The following URB2 variants were observed in gnomAD, a reference collection of about 807,000 sequenced individuals.
The protein encoded by URB2 is URB2 ribosome biogenesis homolog.
Under a neutral mutation model 120.9 loss-of-function variants are expected in URB2, and 86 were observed. The observed-to-expected ratio is 0.71, with a 90% CI of 0.60 to 0.85. URB2 has a LOEUF of 0.85. Ranked by LOEUF, URB2 falls within the 40% of genes least tolerant of loss-of-function variation. URB2 has a pLI of 0.00. For missense variants in URB2, 1,765 were observed against 1,836.5 expected (o/e 0.96, Z 0.71); for synonymous variants, 755 against 758.4 (o/e 1.00, Z 0.07).
intron 1 of URB2, among the ~76,000 whole-genome samples, chr1:229,626,714 G>A (rs984320711): frequency 6.6e-6 from 1 of 152,278 alleles, no homozygotes; most frequent in African/African-American, 2.4e-5. Flanking sequence ...CGGAGCCGGG[G>A]AGAGCATCTC....
intron 8 of URB2, among the ~76,000 whole-genome samples, chr1:229,653,076 T>C (rs1666319632): frequency 6.6e-6 from 1 of 152,216 alleles, no homozygotes; most frequent in South Asian, 2.1e-4. Flanking sequence ...GTAAATAGCA[T>C]GTATATGGTG....
At chr1:229,648,549 A>G (rs1289303035) in intron 7 of URB2, among the ~76,000 whole-genome samples, 1 of 151,770 alleles carries the variant, frequency 6.6e-6, no homozygotes, top group African/African-American at 2.4e-5. Flanking sequence ...AAAAAATTAC[A>G]GTTCAGTTAA....
At chr1:229,632,034 T>A (rs1665679384) in intron 2 of URB2, among the ~76,000 whole-genome samples, 1 of 152,216 alleles carries the variant, frequency 6.6e-6, no homozygotes, top group Non-Finnish European at 1.5e-5. Flanking sequence ...AACTTTTAAT[T>A]TGCCCTAGCT....
At position 229,637,278 on chromosome 1, in the gene URB2, G is replaced by A; in HGVS notation, c.2665G>A (p.Glu889Lys). 1.9e-6 allele frequency: 3 copies of A among 1,614,218 alleles called. No homozygotes were observed. Among genetic ancestry groups the A allele is most frequent in the Non-Finnish European group, 2.5e-6 (3 of 1,180,036 alleles). The stretch of plus-strand genomic sequence containing the variant: ...TGACTTCCCTATCCAGCTGGAGGGA[G>A]AGCAGTTGGAAAGCATCCTGGGGCT... Reference protein sequence around the residue: ...KSDFPIQLEGEQLESILGLLE... With the variant: ...KSDFPIQLEGKQLESILGLLE... The change falls in exon 4 of 10, where the codon GAG becomes AAG. Residue 889 changes from glutamate to lysine, a missense_variant. Coordinates refer to ENST00000258243, the MANE Select transcript of URB2 (RefSeq NM_014777.4).
intron 2 of URB2, among the ~76,000 whole-genome samples, chr1:229,628,274 A>ATACATATACATATTATAAAT: frequency 6.7e-6 from 1 of 148,256 alleles, no homozygotes; most frequent in African/African-American, 2.5e-5. Flanking sequence ...TATATAAATT[A>ATACATATACATATTATAAAT]GTCAGACATG....
At chr1:229,644,131 A>C (rs1666082132) in intron 5 of URB2, among the ~76,000 whole-genome samples, 1 of 152,232 alleles carries the variant, frequency 6.6e-6, no homozygotes, top group Non-Finnish European at 1.5e-5. Flanking sequence ...TCGCTAATAC[A>C]GCCTGCATGG....
Position 229,635,912 on chromosome 1 carries a change from A to G in URB2, c.1299A>G (p.Ser433=). The change falls in exon 4 of 10, where the codon TCA becomes TCG. Residue 433 remains serine (S), a synonymous_variant. Coordinates refer to ENST00000258243, the MANE Select transcript of URB2 (RefSeq NM_014777.4). ...CAGACCTGGATGACCTGCTGGCTTC[A>G]GCGTGGATCGATGCCGAGGTAACAG... is the stretch of plus-strand genomic sequence containing the variant. ...LEPDLDDLLA[S]AWIDAEVTEF... 2 of 1,614,204 alleles carry G rather than the reference A, an allele frequency of 1.2e-6. No homozygotes were observed. Among genetic ancestry groups the G allele is most frequent in the Non-Finnish European group, 8.5e-7 (1 of 1,180,042 alleles).
chr1:229,652,109 G>A (rs1666291337), intron 8 of URB2, among the ~76,000 whole-genome samples: 1 of 152,038 alleles, frequency 6.6e-6, no homozygotes, highest in Non-Finnish European at 1.5e-5. Context: ...TTGAGCCCGG[G>A]AGGCGGAGGT....
Position 229,636,360 on chromosome 1 carries a change from C to T in URB2, c.1747C>T (p.Leu583=), listed in dbSNP as rs139168122. ...ERMMRELVQP[L]LALLPDTPGP... Reference sequence around the variant, plus strand: ...GATGATGAGGGAGCTCGTGCAGCCCCTGCTGGCCCTTCTCCCGGACACCCC... The same window carrying T: ...GATGATGAGGGAGCTCGTGCAGCCCTTGCTGGCCCTTCTCCCGGACACCCC... The change falls in exon 4 of 10, where the codon CTG becomes TTG. Residue 583 remains leucine (L), a synonymous_variant. Coordinates refer to ENST00000258243, the MANE Select transcript of URB2 (RefSeq NM_014777.4). 6.2e-7 allele frequency: 1 copy of T among 1,614,100 alleles called. No homozygotes were observed. Among genetic ancestry groups the T allele is most frequent in the South Asian group, 1.1e-5 (1 of 91,088 alleles).
intron 7 of URB2, among the ~76,000 whole-genome samples, chr1:229,648,210 T>C (rs1666197446): frequency 6.6e-6 from 1 of 152,192 alleles, no homozygotes; most frequent in South Asian, 2.1e-4. Context: ...CTATATAAAG[T>C]GAAACATAAA....
At position 229,659,478 on chromosome 1, in the gene URB2, T is replaced by A. The variant is rs1666474288; in HGVS notation, c.*181T>A. On this transcript the variant is annotated 3_prime_UTR_variant, in exon 10 of 10. Transcript: ENST00000258243. ...TTTACATCGTGTTTTTCTTACTATTTTTTAATACATAGTTTTATGCAGTAA... is the reference window on the plus strand; with the variant it reads ...TTTACATCGTGTTTTTCTTACTATTATTTAATACATAGTTTTATGCAGTAA... 1.7e-6 allele frequency: 1 copy of A among 588,696 alleles called. No individual in the cohort carries two copies. Among genetic ancestry groups the A allele is most frequent in the Non-Finnish European group, 2.8e-6 (1 of 357,294 alleles). 36.5% of individuals were successfully genotyped at this position (588,696 alleles called of 1,614,324 possible). A position where few individuals can be genotyped will look rare whatever the true frequency, so the allele number is the denominator to read the frequency against.
At position 229,650,674 on chromosome 1, in the gene URB2, G is replaced by A. The variant is rs578061873; in HGVS notation, c.4150-561G>A. On this transcript the variant is annotated intron_variant, in intron 7 of 9. Transcript: ENST00000258243. ...TCCAACTCCTGACCTCAGATGATCCGCCTGCCTCGGCCTCCCAAAGTGCTG... is the reference window on the plus strand; with the variant it reads ...TCCAACTCCTGACCTCAGATGATCCACCTGCCTCGGCCTCCCAAAGTGCTG... Among the ~76,000 whole-genome samples, 179 of 152,188 alleles carry A rather than the reference G, an allele frequency of 1.2e-3. 1 individual carries two copies. Among genetic ancestry groups the A allele is most frequent in the Non-Finnish European group, 1.8e-3 (123 of 68,000 alleles).
At position 229,649,992 on chromosome 1, in the gene URB2, G is replaced by A. The variant is rs114347446; in HGVS notation, c.4150-1243G>A. ...TAAGAGAGGGTCCTTGGGGAACTGGGTGAAACGCTGGAATACTTTTGCAAA... is the reference window on the plus strand; with the variant it reads ...TAAGAGAGGGTCCTTGGGGAACTGGATGAAACGCTGGAATACTTTTGCAAA... On this transcript the variant is annotated intron_variant, in intron 7 of 9. Transcript: ENST00000258243. Among the ~76,000 whole-genome samples, 1,060 of 152,312 alleles carry A rather than the reference G, an allele frequency of 7.0e-3. 15 individuals are homozygous for A. The highest frequency in any genetic ancestry group is 0.025 in the African/African-American group (1,020 of 41,562).
chr1:229,643,102 A>G (rs1468246173), intron 4 of URB2, among the ~76,000 whole-genome samples: 1 of 152,248 alleles, frequency 6.6e-6, no homozygotes, highest in African/African-American at 2.4e-5. Flanking sequence ...CAAGGTCTTC[A>G]TCCTCTTCAT....
In URB2 at chr1:229,638,255, A is replaced by G. The variant is rs1220302813; in HGVS notation, c.3634+8A>G. 1.3e-6 allele frequency: 2 copies of G among 1,580,234 alleles called. No individual in the cohort carries two copies. Among genetic ancestry groups the G allele is most frequent in the South Asian group, 1.2e-5 (1 of 85,950 alleles). ...TGAGAAGAGTTCTTGCAGGTAAGAT[A>G]TTTTCTCTTGAGCTAATTCTGTGTT... is the stretch of plus-strand genomic sequence containing the variant. On this transcript the variant is annotated splice_region_variant and intron_variant, in intron 4 of 9. Coordinates refer to ENST00000258243, the MANE Select transcript of URB2 (RefSeq NM_014777.4).
intron 7 of URB2, among the ~76,000 whole-genome samples, chr1:229,650,218 C>T (rs994360689): frequency 7.2e-5 from 11 of 152,162 alleles, no homozygotes; most frequent in African/African-American, 2.4e-4. Flanking sequence ...GTGTCTCCAT[C>T]GTCCAGTATG....
At position 229,635,342 on chromosome 1, in the gene URB2, A is replaced by G. The variant is rs916403750; in HGVS notation, c.729A>G (p.Gly243=). 1 of 1,614,106 alleles carries G rather than the reference A, an allele frequency of 6.2e-7. No individual in the cohort carries two copies. Among genetic ancestry groups the G allele is most frequent in the East Asian group, 2.2e-5 (1 of 44,880 alleles). ...GTCAGATTGAGGCCATGTTCCGAGGAGGGATTTTTCAGCCTGAGCTACTGT... is the reference window on the plus strand; with the variant it reads ...GTCAGATTGAGGCCATGTTCCGAGGGGGGATTTTTCAGCCTGAGCTACTGT... ...IRSQIEAMFR[G]GIFQPELLSS... The change falls in exon 4 of 10, where the codon GGA becomes GGG. Residue 243 remains glycine, a synonymous_variant. Transcript: ENST00000258243.
chr1:229,644,940 CTTA>C (rs145960071), intron 5 of URB2, among the ~76,000 whole-genome samples: 3,859 of 152,194 alleles, frequency 0.025, 178 homozygotes, highest in African/African-American at 0.087. Context: ...AATGTGTGGT[CTTA>C]TTATGTAAAA....
intron 3 of URB2, among the ~76,000 whole-genome samples, chr1:229,632,904 C>A (rs1312369764): frequency 2.0e-5 from 3 of 150,264 alleles, no homozygotes; most frequent in Non-Finnish European, 4.4e-5. Flanking sequence ...CAGTTTTTGA[C>A]TGAAAGTGAT....
Sources: allele counts gnomAD v4.1 joint callset (sites outside exome capture counted in the v4.1 genomes callset), GRCh38; gene constraint gnomAD v4.1.1; transcripts MANE v1.5; gene names NCBI Gene and HGNC (gene_info 2026-07-23, HGNC 2026-07-21).